Variants in TRIO observed in about 807,000 individuals in gnomAD.
TRIO encodes the protein trio Rho guanine nucleotide exchange factor, also known as triple functional domain protein.
In TRIO, 58 loss-of-function variants were observed where a neutral mutation model predicts 351.9. That is an observed-to-expected ratio of 0.16 (90% confidence interval 0.13 to 0.21). The LOEUF (loss-of-function observed/expected upper bound fraction) is 0.21. TRIO is among the 10% of genes least tolerant of loss of function. TRIO has a pLI of 1.00. For synonymous variants in TRIO, 1,758 were observed against 1,595.7 expected, an observed-to-expected ratio of 1.10 and a Z score of -2.42; for missense variants, 3,201 against 4,027.8, an observed-to-expected ratio of 0.79 and a Z score of 5.56.
In TRIO at chr5:14,448,958, G is replaced by T. The variant is rs182123423; in HGVS notation, c.5204-12061G>T. Among the ~76,000 whole-genome samples, 237 of 152,208 alleles carry T rather than the reference G, an allele frequency of 1.6e-3. 2 individuals carry two copies. Among genetic ancestry groups the T allele is most frequent in the African/African-American group, 5.2e-3 (215 of 41,510 alleles). On this transcript the variant is annotated intron_variant, in intron 34 of 56. Transcript: ENST00000344204. ...CCCAAAAAATATATTTTAGGGGCTGGCTTACTTAAAAAGCAGTGAAAATGG... is the reference window on the plus strand; with the variant it reads ...CCCAAAAAATATATTTTAGGGGCTGTCTTACTTAAAAAGCAGTGAAAATGG...
intron 1 of TRIO, among the ~76,000 whole-genome samples, chr5:14,192,520 C>G (rs537756188): frequency 6.6e-6 from 1 of 152,130 alleles, no homozygotes; most frequent in Non-Finnish European, 1.5e-5. Context: ...GTGATCCTCC[C>G]GCTTCGGCCT....
At chr5:14,165,713 T>C (rs1788722951) in intron 1 of TRIO, among the ~76,000 whole-genome samples, 1 of 152,184 alleles carries the variant, frequency 6.6e-6, no homozygotes, top group South Asian at 2.1e-4. Context: ...GATGTAGCCC[T>C]TCGCAGACAG....
At chr5:14,339,838 T>A (rs1741777539) in intron 11 of TRIO, among the ~76,000 whole-genome samples, 1 of 152,180 alleles carries the variant, frequency 6.6e-6, no homozygotes, top group Non-Finnish European at 1.5e-5. Context: ...CGGGAAAGAA[T>A]GGTTTCTTCA....
At chr5:14,396,954 C>T in intron 28 of TRIO, 89 bp from the exon 29 acceptor site, 2 of 1,107,410 alleles carry the variant, frequency 1.8e-6, no homozygotes, top group Non-Finnish European at 1.3e-6. Flanking sequence ...ATCTTGAAAG[C>T]CATGGGCTTT....
At chr5:14,449,852 C>G (rs527731161) in intron 34 of TRIO, among the ~76,000 whole-genome samples, 1 of 152,162 alleles carries the variant, frequency 6.6e-6, no homozygotes, top group Non-Finnish European at 1.5e-5. Context: ...AAGGATCTTA[C>G]CATCTGTTTT....
chr5:14,428,760 G>C (rs889713015), intron 34 of TRIO, among the ~76,000 whole-genome samples: 1 of 152,194 alleles, frequency 6.6e-6, no homozygotes, highest in Non-Finnish European at 1.5e-5. Context: ...ATATAGCAGA[G>C]TCATAAACAA....
At position 14,358,185 on chromosome 5, in the gene TRIO, C is replaced by T. The variant is rs760839749; in HGVS notation, c.2054C>T (p.Thr685Met). 3.0e-5 allele frequency: 48 copies of T among 1,612,154 alleles called. No homozygotes were observed. The Admixed American group carries it at 3.7e-4, about 12-fold the overall frequency. The stretch of plus-strand genomic sequence containing the variant: ...CCCTCTCCCCTTCCCCAGCTGTGGA[C>T]GTGGCTGGAGGAGCTGCAGAAGGAG... ...SFHTHVKELWTWLEELQKELL... is the reference protein window; with the variant it reads ...SFHTHVKELWMWLEELQKELL... Residue 685 changes from threonine (T) to methionine (M), a missense_variant, in exon 12 of 57, where the codon ACG (threonine) becomes ATG (methionine). By Grantham distance (81) the Thr-to-Met change is moderately conservative (BLOSUM62 -1). Around this residue, in one of 19 missense-constraint regions of TRIO, gnomAD observed 363 missense variants for 553.5 expected, o/e 0.66. Transcript: ENST00000344204.
intron 1 of TRIO, among the ~76,000 whole-genome samples, chr5:14,244,202 C>G (rs908377615): frequency 6.6e-6 from 1 of 152,170 alleles, no homozygotes; most frequent in African/African-American, 2.4e-5. Flanking sequence ...CTGTTTTTCA[C>G]AAAGATATTT....
intron 1 of TRIO, among the ~76,000 whole-genome samples, chr5:14,253,493 C>G (rs143174728): frequency 5.1e-4 from 77 of 152,184 alleles, no homozygotes; most frequent in African/African-American, 1.8e-3. Flanking sequence ...GCTGGGACCA[C>G]AGGTCCCGGC....
chr5:14,183,216 T>G (rs1172808991), intron 1 of TRIO, among the ~76,000 whole-genome samples: 1 of 152,096 alleles, frequency 6.6e-6, no homozygotes, highest in Non-Finnish European at 1.5e-5. Flanking sequence ...AGTGAGGCTT[T>G]CCCTTGCTCC....
At chr5:14,506,192 TCTC>T (rs1265234791) in intron 55 of TRIO, among the ~76,000 whole-genome samples, 2 of 152,164 alleles carry the variant, frequency 1.3e-5, no homozygotes, top group African/African-American at 4.8e-5. Flanking sequence ...TTGTCACAAA[TCTC>T]CTAAAGGCCT....
At chr5:14,464,739 C>T (rs1338640882) in intron 36 of TRIO, among the ~76,000 whole-genome samples, 1 of 152,208 alleles carries the variant, frequency 6.6e-6, no homozygotes, top group Non-Finnish European at 1.5e-5. Context: ...CGCTGTGGGT[C>T]GCATGCCTCG....
At position 14,479,388 on chromosome 5, in the gene TRIO, C is replaced by G. The variant is rs747411951; in HGVS notation, c.6243+38C>G. The G allele has an allele frequency of 9.2e-6, 14 of 1,530,030 alleles. No individual in the cohort carries two copies. In the African/African-American group the frequency reaches 1.9e-4, roughly 21 times the overall value. 94.8% of individuals were successfully genotyped at this position (1,530,030 alleles called of 1,614,324 possible). On this transcript the variant is annotated intron_variant, in intron 42 of 56. Transcript: ENST00000344204. ...ATACAAACAGAAAGTATTTCTGAAT[C>G]TTTTGTTCCAACTTATTTCTAAAAA...
At position 14,390,945 on chromosome 5, in the gene TRIO, T is replaced by C; in HGVS notation, c.4173T>C (p.Pro1391=). The change falls in exon 27 of 57, where the codon CCT becomes CCC. Residue 1391 remains proline, a synonymous_variant. Coordinates refer to ENST00000344204, the MANE Select transcript of TRIO (RefSeq NM_007118.4). ...QMYVTYCKNK[P]DSTQLILEHA... ...ATGTCACATATTGCAAAAATAAGCC[T>C]GATTCTACTCAGCTGATATTGGAAC... 6.2e-7 allele frequency: 1 copy of C among 1,611,688 alleles called. No individual in the cohort carries two copies. The highest frequency in any genetic ancestry group is 8.5e-7 in the Non-Finnish European group (1 of 1,179,322).
At chr5:14,180,100 C>CAAAAAAAAAAAAA (rs70964542) in intron 1 of TRIO, among the ~76,000 whole-genome samples, 2 of 27,752 alleles carry the variant, frequency 7.2e-5, no homozygotes, top group African/African-American at 1.1e-4. Flanking sequence ...GACTCCTGCT[C>CAAAAAAAAAAAAA]AAAAAAAAAA....
intron 15 of TRIO, among the ~76,000 whole-genome samples, 163 bp downstream of exon 15, chr5:14,364,979 C>A (rs575594843): frequency 1.3e-4 from 20 of 152,280 alleles, no homozygotes; most frequent in African/African-American, 7.2e-5. Context: ...ACCCCCGCCC[C>A]CCGATTACAG....
intron 1 of TRIO, among the ~76,000 whole-genome samples, chr5:14,171,992 G>T (rs1229437293): frequency 1.3e-5 from 2 of 152,142 alleles, no homozygotes; most frequent in Admixed American, 6.5e-5. Context: ...GTTTTGAAAA[G>T]AATTACATAC....
At position 14,381,153 on chromosome 5, in the gene TRIO, T is replaced by C. The variant is rs1275731136; in HGVS notation, c.3471T>C (p.Asn1157=). ...AGGCTTTGGAATGGATCCATGACAA[T>C]GGCGAGTTCTACCTTTCCACACACA... ...AKQALEWIHD[N]GEFYLSTHTS... The change falls in exon 21 of 57, where the codon AAT becomes AAC. Residue 1157 remains asparagine, a synonymous_variant. Transcript: ENST00000344204. The C allele has an allele frequency of 1.2e-6, 2 of 1,614,096 alleles. No homozygotes were observed. The highest frequency in any genetic ancestry group is 8.5e-7 in the Non-Finnish European group (1 of 1,180,002).
At chr5:14,235,322 A>G (rs1454883571) in intron 1 of TRIO, among the ~76,000 whole-genome samples, 2 of 152,234 alleles carry the variant, frequency 1.3e-5, no homozygotes, top group Admixed American at 1.3e-4. Flanking sequence ...AAAGTTAATG[A>G]GATCCAAACA....
Sources: allele counts gnomAD v4.1 joint callset (sites outside exome capture counted in the v4.1 genomes callset), GRCh38; gene constraint gnomAD v4.1.1; regional missense constraint gnomAD v4.1.1; transcripts MANE v1.5; gene names NCBI Gene and HGNC (gene_info 2026-07-23, HGNC 2026-07-21).